The following PCDHGA12 variants were observed in gnomAD, a reference collection of about 807,000 sequenced individuals.
The protein encoded by PCDHGA12 is protocadherin gamma subfamily A, 12.
A neutral mutation model predicts 61.1 loss-of-function variants in PCDHGA12; 43 were observed. The observed-to-expected ratio is 0.70, with a 90% CI of 0.55 to 0.91. The LOEUF is 0.91. PCDHGA12 is among the 40% of genes least tolerant of loss of function. The pLI is 0.00. For synonymous variants in PCDHGA12, 520 were observed against 542.9 expected (o/e 0.96, Z 0.59); for missense variants, 1,236 against 1,227.7 (o/e 1.01, Z -0.10).
rs962794399 is a variant in PCDHGA12, at chr5:141,449,958, AT to A, written c.2424+16783del. Among the ~76,000 whole-genome samples, 332 of 148,828 alleles carry A rather than the reference AT, an allele frequency of 2.2e-3. 1 individual carries two copies. The highest frequency in any genetic ancestry group is 6.8e-3 in the Admixed American group (101 of 14,904). Reference sequence around the variant, plus strand: ...GTATATTTTACTATACCTCATAGTAATTTTTTTTAGTCCAAAATATCACACA... The same window carrying A: ...GTATATTTTACTATACCTCATAGTAATTTTTTTAGTCCAAAATATCACACA... On this transcript the variant is annotated intron_variant, in intron 1 of 3. Coordinates refer to ENST00000252085, the MANE Select transcript of PCDHGA12 (RefSeq NM_003735.3).
chr5:141,431,502 G>A lies in PCDHGA12; in HGVS notation c.743G>A (p.Arg248His), dbSNP rs749812839. ...CCAGCGTTTGCTCAGCCCGAGTACC[G>A]CGCGAGCGTTCCGGAGAATCTGGCC... ...NAPAFAQPEY[R>H]ASVPENLALG... The change falls in exon 1 of 4, where the codon CGC becomes CAC. Residue 248 changes from arginine to histidine, a missense_variant. Arg to His is a conservative substitution (Grantham distance 29). Coordinates refer to ENST00000252085, the MANE Select transcript of PCDHGA12 (RefSeq NM_003735.3). This position sits in a 1 kb window ranked among gnomAD's most constrained non-coding sequence, Gnocchi z 4.8. 6 of 1,614,008 alleles carry A rather than the reference G, an allele frequency of 3.7e-6. No homozygotes were observed. In the East Asian group the frequency reaches 6.7e-5, roughly 18 times the overall value.
intron 1 of PCDHGA12, chr5:141,439,898 C>T (rs1428014089): frequency 6.6e-6 from 1 of 152,344 alleles, no homozygotes; most frequent in African/African-American, 2.4e-5. Context: ...ACCAAGGCGA[C>T]TACTGCCTCC....
Position 141,477,071 on chromosome 5 carries a change from G to T in PCDHGA12, c.2425-17736G>T. 6.2e-7 allele frequency: 1 copy of T among 1,614,226 alleles called. No individual in the cohort carries two copies. The highest frequency in any genetic ancestry group is 8.5e-7 in the Non-Finnish European group (1 of 1,180,030). ...GGACTTCGAGGACACCAAACTCCAT[G>T]AGATTTACATCCAGGCCAAAGACAA... is the stretch of plus-strand genomic sequence containing the variant. On this transcript the variant is annotated intron_variant, in intron 1 of 3. Coordinates refer to ENST00000252085, the MANE Select transcript of PCDHGA12 (RefSeq NM_003735.3). This position sits in a 1 kb window ranked among gnomAD's most constrained non-coding sequence, Gnocchi z 4.9.
At chr5:141,434,521 T>G (rs2097700467) in intron 1 of PCDHGA12, among the ~76,000 whole-genome samples, 1 of 152,202 alleles carries the variant, frequency 6.6e-6, no homozygotes, top group Non-Finnish European at 1.5e-5. Flanking sequence ...AAAGGTGTTC[T>G]TAAACCACAA....
chr5:141,434,209 A>G (rs946478332), intron 1 of PCDHGA12, among the ~76,000 whole-genome samples: 17 of 152,216 alleles, frequency 1.1e-4, no homozygotes, highest in African/African-American at 4.1e-4. Flanking sequence ...TACTTCTGTC[A>G]GTGTAAACAA....
At chr5:141,492,168 A>C (rs1426223836) in intron 1 of PCDHGA12, among the ~76,000 whole-genome samples, 1 of 152,108 alleles carries the variant, frequency 6.6e-6, no homozygotes, top group African/African-American at 2.4e-5. Context: ...CTATCCCCGC[A>C]TCACCCAACC....
chr5:141,440,793 C>T (rs1448130354), intron 1 of PCDHGA12: 1 of 152,124 alleles, frequency 6.6e-6, no homozygotes, highest in Non-Finnish European at 1.5e-5. Context: ...TAGACGGCCC[C>T]CCAACAAAGC....
chr5:141,473,860 A>G (rs184722742), intron 1 of PCDHGA12, among the ~76,000 whole-genome samples: 409 of 152,318 alleles, frequency 2.7e-3, no homozygotes, highest in Middle Eastern at 6.8e-3. Context: ...GAACCTCGCT[A>G]TTGTGGAGAA....
intron 1 of PCDHGA12, among the ~76,000 whole-genome samples, chr5:141,462,160 A>T (rs575238638): frequency 4.6e-5 from 7 of 152,122 alleles, no homozygotes; most frequent in Non-Finnish European, 1.0e-4. Flanking sequence ...GGGTTTCATC[A>T]TGTTGGCCAG....
intron 2 of PCDHGA12, 179 bp downstream of exon 2, chr5:141,495,044 T>C (rs2099758475): frequency 1.1e-6 from 1 of 944,572 alleles, no homozygotes; most frequent in Non-Finnish European, 1.3e-6. Flanking sequence ...AAGAGGCGAC[T>C]GCCCTGACTG....
intron 1 of PCDHGA12, among the ~76,000 whole-genome samples, chr5:141,459,324 T>G (rs2098966238): frequency 6.6e-6 from 1 of 152,226 alleles, no homozygotes; most frequent in African/African-American, 2.4e-5. Flanking sequence ...ATCCATCTTC[T>G]TTTACTCCAA....
In PCDHGA12 at chr5:141,443,329, A is replaced by AC. The variant is rs58846402; in HGVS notation, c.2424+10147dup. 1.9e-4 allele frequency among the ~76,000 whole-genome samples: 29 copies of AC among 151,590 alleles called. No individual in the cohort carries two copies. In the East Asian group the frequency reaches 4.3e-3, roughly 22 times the overall value. ...AAACCCATCTCTACAAAAAAAAAAA[A>AC]CAAAAATTAACAAGGTTTAGTGGTC... On this transcript the variant is annotated intron_variant, in intron 1 of 3. Coordinates refer to ENST00000252085, the MANE Select transcript of PCDHGA12 (RefSeq NM_003735.3).
chr5:141,479,845 A>T (rs895639749), intron 1 of PCDHGA12, among the ~76,000 whole-genome samples: 4 of 152,210 alleles, frequency 2.6e-5, no homozygotes, highest in Admixed American at 1.3e-4. Flanking sequence ...ATGCAAGGTG[A>T]CTGCAAGGCC....
chr5:141,434,938 A>G (rs938787407), intron 1 of PCDHGA12, among the ~76,000 whole-genome samples: 2 of 151,738 alleles, frequency 1.3e-5, no homozygotes, highest in Admixed American at 1.3e-4. Flanking sequence ...TATATAATAG[A>G]TATAATTTAT....
chr5:141,454,796 A>ATTTTTTTTTTTTTTTTTTTTTTTTTTTT (rs61612330), intron 1 of PCDHGA12, among the ~76,000 whole-genome samples: 3 of 77,456 alleles, frequency 3.9e-5, no homozygotes, highest in Admixed American at 1.8e-4. Flanking sequence ...CATGGTTCTA[A>ATTTTTTTTTTTTTTTTTTTTTTTTTTTT]TTTTTTTTTT....
At position 141,505,908 on chromosome 5, in the gene PCDHGA12, T is replaced by C. The variant is rs114551975; in HGVS notation, c.2572+427T>C. On this transcript the variant is annotated intron_variant, in intron 3 of 3. Coordinates refer to ENST00000252085, the MANE Select transcript of PCDHGA12 (RefSeq NM_003735.3). ...TTAAATGAGATGATACCACAAAGCATAGAGTTCTGGGCCTGGCGCTTGGAA... is the reference window on the plus strand; with the variant it reads ...TTAAATGAGATGATACCACAAAGCACAGAGTTCTGGGCCTGGCGCTTGGAA... 4.0e-3 allele frequency among the ~76,000 whole-genome samples: 608 copies of C among 152,218 alleles called. 3 individuals are homozygous for C. The highest frequency in any genetic ancestry group is 0.013 in the African/African-American group (551 of 41,540).
intron 1 of PCDHGA12, among the ~76,000 whole-genome samples, chr5:141,483,466 A>C (rs1212605130): frequency 6.6e-6 from 1 of 152,188 alleles, no homozygotes. Context: ...GTTGATTGAC[A>C]TGATATAGGA....
intron 1 of PCDHGA12, among the ~76,000 whole-genome samples, chr5:141,481,039 C>T (rs748434260): frequency 4.6e-5 from 7 of 152,048 alleles, no homozygotes; most frequent in Non-Finnish European, 8.8e-5. Flanking sequence ...GCCTGGGCGA[C>T]AGAGCGAGAC....
chr5:141,504,380 C>T (rs943816582), intron 2 of PCDHGA12, among the ~76,000 whole-genome samples: 1 of 152,088 alleles, frequency 6.6e-6, no homozygotes, highest in African/African-American at 2.4e-5. Flanking sequence ...GGTGGAGTCG[C>T]TGCCTCACAG....
Sources: allele counts gnomAD v4.1 joint callset (sites outside exome capture counted in the v4.1 genomes callset), GRCh38; gene constraint gnomAD v4.1.1; non-coding constraint Gnocchi (gnomAD v3.1); transcripts MANE v1.5; gene names NCBI Gene and HGNC (gene_info 2026-07-23, HGNC 2026-07-21).